The following NCOA2 variants were observed in gnomAD, a reference collection of about 807,000 sequenced individuals.
The protein encoded by NCOA2 is class E basic helix-loop-helix protein 75.
In NCOA2, 21 loss-of-function variants were observed where a neutral mutation model predicts 145.1. That is an observed-to-expected ratio of 0.14 (90% CI 0.10 to 0.21). NCOA2 has a LOEUF of 0.21. NCOA2 is among the 10% of genes least tolerant of loss of function. NCOA2 has a pLI of 1.00. For missense variants in NCOA2, 1,472 were observed against 1,837.6 expected (o/e 0.80, Z 3.64); for synonymous variants, 619 against 637.5 (o/e 0.97, Z 0.44).
chr8:70,150,267 A>G (rs1056401951), intron 11 of NCOA2, among the ~76,000 whole-genome samples: 2 of 152,236 alleles, frequency 1.3e-5, no homozygotes, highest in African/African-American at 4.8e-5. Flanking sequence ...TGGGTTCCAA[A>G]GTTAGCATCC....
chr8:70,296,959 A>G (rs1827135633), intron 1 of NCOA2, among the ~76,000 whole-genome samples, 159 bp from the exon 2 acceptor site: 1 of 152,278 alleles, frequency 6.6e-6, no homozygotes, highest in African/African-American at 2.4e-5. Context: ...ATTAAATCGC[A>G]TGGTAAATCA....
At chr8:70,119,177 C>T (rs1169791753) in intron 22 of NCOA2, among the ~76,000 whole-genome samples, 1 of 152,184 alleles carries the variant, frequency 6.6e-6, no homozygotes, top group Admixed American at 6.5e-5. Context: ...ATGTCTGTAA[C>T]CTCTCACCCA....
intron 2 of NCOA2, among the ~76,000 whole-genome samples, chr8:70,248,984 T>A (rs949222277): frequency 6.6e-6 from 1 of 152,126 alleles, no homozygotes; most frequent in Admixed American, 6.6e-5. Flanking sequence ...ATGAACAGAA[T>A]TCTGACGTGG....
intron 1 of NCOA2, among the ~76,000 whole-genome samples, chr8:70,333,039 TG>T (rs1358836857): frequency 6.6e-6 from 1 of 152,210 alleles, no homozygotes; most frequent in Admixed American, 6.5e-5. Flanking sequence ...ATAACTTGCC[TG>T]GGGTCTCAAT....
At chr8:70,333,541 G>A (rs924059931) in intron 1 of NCOA2, among the ~76,000 whole-genome samples, 11 of 152,188 alleles carry the variant, frequency 7.2e-5, no homozygotes, top group African/African-American at 2.4e-4. Context: ...TGGGCGACAT[G>A]AATACACATC....
chr8:70,204,687 T>C (rs1014935771), intron 4 of NCOA2, among the ~76,000 whole-genome samples: 2 of 152,018 alleles, frequency 1.3e-5, no homozygotes, highest in Non-Finnish European at 2.9e-5. Flanking sequence ...AGAACAAACA[T>C]GATACTCAAA....
intron 1 of NCOA2, among the ~76,000 whole-genome samples, chr8:70,365,313 CAG>C (rs1402320397): frequency 6.6e-6 from 1 of 152,162 alleles, no homozygotes; most frequent in East Asian, 1.9e-4. Flanking sequence ...GCCTAGGCGA[CAG>C]AGCGAGACTC....
intron 2 of NCOA2, among the ~76,000 whole-genome samples, chr8:70,275,718 G>C (rs866190375): frequency 7.2e-5 from 11 of 152,266 alleles, no homozygotes; most frequent in African/African-American, 2.2e-4. Flanking sequence ...TGATTAATTA[G>C]AACACCAACA....
chr8:70,337,759 C>T (rs1341628848), intron 1 of NCOA2, among the ~76,000 whole-genome samples: 13 of 152,062 alleles, frequency 8.5e-5, no homozygotes, highest in Admixed American at 5.2e-4. Context: ...CAGACAACAG[C>T]GCAATCAAAT....
chr8:70,153,839 C>A (rs1812011718), intron 11 of NCOA2, among the ~76,000 whole-genome samples: 1 of 152,324 alleles, frequency 6.6e-6, no homozygotes. Flanking sequence ...GCTAATAGAA[C>A]CTTGCACTAA....
chr8:70,231,239 T>A (rs1563655644), intron 2 of NCOA2, among the ~76,000 whole-genome samples: 1 of 152,366 alleles, frequency 6.6e-6, no homozygotes, highest in South Asian at 2.1e-4. Flanking sequence ...TTAAAAATGC[T>A]TTGCTAATTT....
intron 1 of NCOA2, among the ~76,000 whole-genome samples, chr8:70,349,983 A>C (rs1809022118): frequency 6.6e-6 from 1 of 152,118 alleles, no homozygotes; most frequent in East Asian, 1.9e-4. Flanking sequence ...TTAGAACCTC[A>C]ATTACATCTT....
chr8:70,200,473 T>C (rs868627016), intron 4 of NCOA2, among the ~76,000 whole-genome samples: 2 of 152,314 alleles, frequency 1.3e-5, no homozygotes, highest in South Asian at 4.1e-4. Context: ...TACTGATCTG[T>C]GGCCTGTCTC....
intron 1 of NCOA2, among the ~76,000 whole-genome samples, chr8:70,340,276 C>T (rs922457665): frequency 2.6e-5 from 4 of 152,100 alleles, no homozygotes; most frequent in Non-Finnish European, 5.9e-5. Context: ...AAAAAGTGGA[C>T]AAAGGACATG....
At chr8:70,410,384 T>A in the NCOA2 span, among the ~76,000 whole-genome samples, 1 of 152,046 alleles carries the variant, frequency 6.6e-6, no homozygotes, top group Non-Finnish European at 1.5e-5. Flanking sequence ...CTGAGAGAAA[T>A]GAGAACAGAT....
chr8:70,141,265 T>A lies in NCOA2; in HGVS notation c.2947A>T (p.Asn983Tyr). 1 of 1,613,898 alleles carries A rather than the reference T, an allele frequency of 6.2e-7. No homozygotes were observed. The highest frequency in any genetic ancestry group is 8.5e-7 in the Non-Finnish European group (1 of 1,179,870). ...CTCATGGGGATGCTGGCTGCTGGGT[T>A]CCGAATCATACCTCCTTGGACTGGC... is the stretch of plus-strand genomic sequence containing the variant. Reference protein sequence around the residue: ...NRPVQGGMIRNPAASIPMRPS... With the variant: ...NRPVQGGMIRYPAASIPMRPS... Residue 983 changes from asparagine (N) to tyrosine (Y), a missense_variant, in exon 14 of 23, where the codon AAC becomes TAC. Coordinates refer to ENST00000452400, the MANE Select transcript of NCOA2 (RefSeq NM_006540.4).
At chr8:70,431,132 T>A in the NCOA2 span, among the ~76,000 whole-genome samples, 1 of 152,144 alleles carries the variant, frequency 6.6e-6, no homozygotes, top group Non-Finnish European at 1.5e-5. Context: ...AAGTAAAGAC[T>A]GGCTGAGAAT....
chr8:70,196,319 TG>T (rs1409211006), intron 4 of NCOA2, among the ~76,000 whole-genome samples: 2 of 152,102 alleles, frequency 1.3e-5, no homozygotes, highest in African/African-American at 4.8e-5. Flanking sequence ...GAGGTTGCAG[TG>T]AGCTGAGATC....
chr8:70,297,812 C>G (rs1827199671), intron 1 of NCOA2, among the ~76,000 whole-genome samples: 2 of 152,208 alleles, frequency 1.3e-5, no homozygotes, highest in South Asian at 4.1e-4. Flanking sequence ...GAGCCTGCAG[C>G]TTTTCGTCTG....
Sources: allele counts gnomAD v4.1 joint callset (sites outside exome capture counted in the v4.1 genomes callset), GRCh38; gene constraint gnomAD v4.1.1; transcripts MANE v1.5; gene names NCBI Gene and HGNC (gene_info 2026-07-23, HGNC 2026-07-21).